The following NRG1 variants were observed in gnomAD, a reference collection of about 807,000 sequenced individuals.
The protein encoded by NRG1 is neuregulin 1.
NRG1 carries 18 observed loss-of-function variants against 63.8 expected under a neutral mutation model. The observed-to-expected ratio is 0.28, with a 90% CI of 0.19 to 0.42. The LOEUF (loss-of-function observed/expected upper bound fraction) is 0.42, where lower values mean the gene tolerates loss of function less well. Ranked by LOEUF, NRG1 falls within the 10% of genes least tolerant of loss-of-function variation. NRG1 has a pLI of 1.00. For missense variants in NRG1, 762 were observed against 814.7 expected (o/e 0.94, Z 0.79); for synonymous variants, 302 against 301.3 (o/e 1.00, Z -0.02).
At chr8:32,363,797 A>G (rs1403012773) in intron 1 of NRG1, among the ~76,000 whole-genome samples, 1 of 152,164 alleles carries the variant, frequency 6.6e-6, no homozygotes, top group African/African-American at 2.4e-5. Flanking sequence ...TCAAAAAATA[A>G]GAAATAACCT....
At position 32,645,866 on chromosome 8, in the gene NRG1, G is replaced by C. The variant is rs149622121; in HGVS notation, c.502+28981G>C. On this transcript the variant is annotated intron_variant, in intron 5 of 11. Coordinates refer to ENST00000356819, the Ensembl canonical transcript of NRG1. The stretch of plus-strand genomic sequence containing the variant: ...TATTAAGAACAGTGCATTTCTTCTA[G>C]TGTTTTAATGACTGTTGTTTTAAAA... Among the ~76,000 whole-genome samples, 258 of 152,180 alleles carry C rather than the reference G, an allele frequency of 1.7e-3. 1 individual carries two copies. Among genetic ancestry groups the C allele is most frequent in the Non-Finnish European group, 2.9e-3 (197 of 68,008 alleles).
chr8:32,759,270 C>T (rs781333397), intron 9 of NRG1, 36 bp from the exon 10 acceptor site: 8 of 1,604,068 alleles, frequency 5.0e-6, no homozygotes, highest in East Asian at 4.5e-5. Context: ...CATGAATCTA[C>T]GTGAATCTTC....
chr8:31,652,541 T>TC, intron 1 of NRG1, among the ~76,000 whole-genome samples: 2 of 152,358 alleles, frequency 1.3e-5, no homozygotes, highest in Middle Eastern at 6.8e-3. Context: ...TGTGCTACAC[T>TC]GATGGCATTC....
At chr8:32,257,915 A>G (rs567223056) in intron 1 of NRG1, among the ~76,000 whole-genome samples, 76 of 152,350 alleles carry the variant, frequency 5.0e-4, no homozygotes, top group African/African-American at 1.8e-3. Flanking sequence ...CCTGTTTAAC[A>G]TATAAAACCA....
In NRG1 at chr8:32,562,820, G is replaced by GA. The variant is rs566079729; in HGVS notation, c.100+13995dup. On this transcript the variant is annotated intron_variant, in intron 1 of 11. Coordinates refer to ENST00000356819, the Ensembl canonical transcript of NRG1. ...CTGGGCAGCAGTCAAGAAGACAGAG[G>GA]AGGACTAACTGTATATGATTTGGGC... Among the ~76,000 whole-genome samples, 44 of 152,290 alleles carry GA rather than the reference G, an allele frequency of 2.9e-4. No individual in the cohort carries two copies. The East Asian group carries it at 8.3e-3, about 29-fold the overall frequency.
chr8:32,278,218 T>C (rs1043842604), intron 1 of NRG1, among the ~76,000 whole-genome samples: 1 of 152,188 alleles, frequency 6.6e-6, no homozygotes, highest in African/African-American at 2.4e-5. Context: ...GAAAACGTTC[T>C]GATACACAGA....
chr8:32,037,686 A>G (rs1819293211), intron 1 of NRG1, among the ~76,000 whole-genome samples: 1 of 152,190 alleles, frequency 6.6e-6, no homozygotes, highest in African/African-American at 2.4e-5. Context: ...GGTTCTGCTT[A>G]AAGAAGCAGT....
At chr8:32,108,880 AG>A (rs1389637324) in intron 1 of NRG1, among the ~76,000 whole-genome samples, 2 of 152,226 alleles carry the variant, frequency 1.3e-5, no homozygotes, top group African/African-American at 4.8e-5. Flanking sequence ...AACCTGTTTC[AG>A]ACTGCTGCAG....
At chr8:32,750,745 C>T (rs1343979074) in intron 7 of NRG1, among the ~76,000 whole-genome samples, 4 of 148,932 alleles carry the variant, frequency 2.7e-5, no homozygotes, top group Admixed American at 2.7e-4. Context: ...GAGTAAACTA[C>T]CAATTTGATG....
intron 1 of NRG1, among the ~76,000 whole-genome samples, chr8:32,398,407 CA>C (rs1469125741): frequency 1.7e-4 from 17 of 101,420 alleles, no homozygotes; most frequent in Admixed American, 4.8e-4. Flanking sequence ...TATTTCCACC[CA>C]AATTTTTTTT....
intron 1 of NRG1, among the ~76,000 whole-genome samples, chr8:31,721,457 A>G (rs1481839331): frequency 6.6e-6 from 1 of 152,126 alleles, no homozygotes; most frequent in East Asian, 1.9e-4. Flanking sequence ...GAGAGTTTCT[A>G]TAGAATATTT....
chr8:32,551,400 T>C (rs1018463960), intron 1 of NRG1, among the ~76,000 whole-genome samples: 4 of 152,184 alleles, frequency 2.6e-5, no homozygotes, highest in African/African-American at 7.2e-5. Flanking sequence ...AAGCCTCTCT[T>C]CAGCTGTTTT....
intron 1 of NRG1, among the ~76,000 whole-genome samples, chr8:31,826,181 G>A (rs1407541154): frequency 6.6e-6 from 1 of 152,152 alleles, no homozygotes; most frequent in Non-Finnish European, 1.5e-5. Context: ...ATGTAAATAG[G>A]ATTTGTATGA....
intron 1 of NRG1, among the ~76,000 whole-genome samples, chr8:31,768,501 C>G (rs1194491119): frequency 2.6e-5 from 4 of 152,156 alleles, no homozygotes; most frequent in East Asian, 3.9e-4. Flanking sequence ...GGAATGTTAG[C>G]CCACTGAAGT....
chr8:31,873,964 T>G (rs1444860828), intron 1 of NRG1, among the ~76,000 whole-genome samples: 3 of 152,220 alleles, frequency 2.0e-5, no homozygotes, highest in African/African-American at 7.2e-5. Context: ...CTTGTTCCTG[T>G]GCTCCTTGAT....
chr8:31,700,107 T>C (rs554394828), intron 1 of NRG1, among the ~76,000 whole-genome samples: 1 of 152,282 alleles, frequency 6.6e-6, no homozygotes, highest in South Asian at 2.1e-4. Context: ...GAATTGCCCA[T>C]GTCTCTTAAA....
At position 32,702,729 on chromosome 8, in the gene NRG1, T is replaced by G. The variant is rs149324722; in HGVS notation, c.503-25220T>G. 3.9e-3 allele frequency among the ~76,000 whole-genome samples: 601 copies of G among 152,232 alleles called. 5 individuals are homozygous for G. The highest frequency in any genetic ancestry group is 0.014 in the African/African-American group (564 of 41,538). ...CTCTAATTCCTGACCTGATCTGCCT[T>G]CCTCGGCCTCCCAAAGTGCTGGGAT... On this transcript the variant is annotated intron_variant, in intron 5 of 11. Transcript: ENST00000356819.
intron 1 of NRG1, among the ~76,000 whole-genome samples, chr8:31,718,486 A>G (rs1410787192): frequency 1.3e-5 from 2 of 152,226 alleles, no homozygotes; most frequent in African/African-American, 2.4e-5. Flanking sequence ...TGCACTCCCA[A>G]GTAAATCCAG....
rs184961883 is a variant in NRG1 at position 31,708,821 on chromosome 8, T to G, written c.37+69390T>G. ...GCCCTTTATTACCATGACTCCACAT[T>G]TATAGTTGACCCTTGAACAATGGGG... On this transcript the variant is annotated intron_variant, in intron 1 of 10. Coordinates refer to the NRG1 transcript ENST00000519301. 2.6e-3 allele frequency among the ~76,000 whole-genome samples: 393 copies of G among 152,216 alleles called. 4 individuals carry two copies. Among genetic ancestry groups the G allele is most frequent in the African/African-American group, 9.1e-3 (376 of 41,494 alleles).
Sources: allele counts gnomAD v4.1 joint callset (sites outside exome capture counted in the v4.1 genomes callset), GRCh38; gene constraint gnomAD v4.1.1; transcripts MANE v1.5; gene names NCBI Gene and HGNC (gene_info 2026-07-23, HGNC 2026-07-21).